The following HCN1 variants were observed in gnomAD, a reference collection of about 807,000 sequenced individuals.
The protein encoded by HCN1 is hyperpolarization activated cyclic nucleotide gated potassium channel 1, also known as potassium/sodium hyperpolarization-activated cyclic nucleotide-gated channel 1.
In HCN1, 13 loss-of-function variants were observed where a neutral mutation model predicts 78.9. That is an observed-to-expected ratio of 0.16 (90% CI 0.11 to 0.26). The LOEUF is 0.26. Among genes scored for constraint, HCN1 ranks in the 10% least tolerant of loss-of-function variants. The pLI is 1.00. For synonymous variants in HCN1, 552 were observed against 455.5 expected (o/e 1.21, Z -2.70); for missense variants, 810 against 1,154.3 (o/e 0.70, Z 4.32).
At chr5:45,399,666 T>C (rs1739755223) in intron 3 of HCN1, among the ~76,000 whole-genome samples, 1 of 152,108 alleles carries the variant, frequency 6.6e-6, no homozygotes, top group South Asian at 2.1e-4. Context: ...AAACAGAAGA[T>C]TGAAAAGCCC....
chr5:45,414,380 C>A (rs1740078762), intron 3 of HCN1, among the ~76,000 whole-genome samples: 1 of 151,986 alleles, frequency 6.6e-6, no homozygotes, highest in Admixed American at 6.6e-5. Flanking sequence ...AAAAAAGAGG[C>A]CTCTCTCTTG....
intron 7 of HCN1, among the ~76,000 whole-genome samples, chr5:45,263,765 T>A (rs1744797306): frequency 6.6e-6 from 1 of 151,846 alleles, no homozygotes. Flanking sequence ...AATTCTTTTT[T>A]TAAAATTTAT....
chr5:45,580,894 T>G (rs189544392), intron 2 of HCN1, among the ~76,000 whole-genome samples: 1,708 of 152,286 alleles, frequency 0.011, 18 homozygotes, highest in Middle Eastern at 0.02. Context: ...TGCATAGTAT[T>G]CCATGGTGTG....
chr5:45,321,678 T>A lies in HCN1; in HGVS notation c.1378-17839A>T, dbSNP rs555517848. 5.9e-5 allele frequency among the ~76,000 whole-genome samples: 9 copies of A among 152,016 alleles called. No homozygotes were observed. The South Asian group carries it at 1.4e-3, about 24-fold the overall frequency. On this transcript the variant is annotated intron_variant, in intron 5 of 7. Coordinates refer to ENST00000303230, the MANE Select transcript of HCN1 (RefSeq NM_021072.4). ...AGACAATTTACATTTTAAACCAGCTTGAATGCCATATTTTACACACATACG... is the reference window on the plus strand; with the variant it reads ...AGACAATTTACATTTTAAACCAGCTAGAATGCCATATTTTACACACATACG...
intron 2 of HCN1, chr5:45,643,774 C>G (rs950877912): frequency 3.9e-5 from 6 of 152,214 alleles, no homozygotes; most frequent in Non-Finnish European, 8.8e-5. Flanking sequence ...ATCAAACATA[C>G]TAGCTGACGT....
At chr5:45,619,010 G>C (rs1745009773) in intron 2 of HCN1, among the ~76,000 whole-genome samples, 1 of 152,038 alleles carries the variant, frequency 6.6e-6, no homozygotes, top group Admixed American at 6.6e-5. Flanking sequence ...TACTATTTTA[G>C]TAGTAGTGAA....
intron 2 of HCN1, among the ~76,000 whole-genome samples, chr5:45,591,909 T>C (rs1194973972): frequency 1.3e-5 from 2 of 152,214 alleles, no homozygotes; most frequent in Non-Finnish European, 2.9e-5. Context: ...TCTAGGAGTT[T>C]TATAGTTTTG....
In HCN1 at chr5:45,696,222, G is replaced by T; in HGVS notation, c.-129C>A. On this transcript the variant is annotated 5_prime_UTR_variant, in exon 1 of 8. Transcript: ENST00000303230. The stretch of plus-strand genomic sequence containing the variant: ...GAGCCCAGCTGCCCGTCGCGGCGGC[G>T]GCGGCGGCGGCGGCGGCTGCTGCTT... 1 of 246,502 alleles carries T rather than the reference G, an allele frequency of 4.1e-6. No homozygotes were observed. Among genetic ancestry groups the T allele is most frequent in the South Asian group, 1.4e-4 (1 of 7,256 alleles). 15.3% of individuals were successfully genotyped at this position (246,502 alleles called of 1,614,324 possible).
intron 5 of HCN1, among the ~76,000 whole-genome samples, chr5:45,342,772 T>C (rs1254938202): frequency 1.3e-5 from 2 of 152,282 alleles, no homozygotes; most frequent in East Asian, 1.9e-4. Context: ...GGTGAAGATA[T>C]TAGTTGGAAT....
At chr5:45,376,361 G>C (rs1382413716) in intron 4 of HCN1, among the ~76,000 whole-genome samples, 1 of 15,330 alleles carries the variant, frequency 6.5e-5, no homozygotes, top group African/African-American at 2.4e-4. Context: ...GAGAGAGAGA[G>C]AGAGAGAGAG....
At chr5:45,366,478 T>G (rs1294673204) in intron 4 of HCN1, among the ~76,000 whole-genome samples, 1 of 151,776 alleles carries the variant, frequency 6.6e-6, no homozygotes, top group African/African-American at 2.4e-5. Context: ...GGACATTGTT[T>G]AAATATCACT....
At chr5:45,504,928 C>T in intron 2 of HCN1, among the ~76,000 whole-genome samples, 1 of 152,234 alleles carries the variant, frequency 6.6e-6, no homozygotes, top group East Asian at 1.9e-4. Context: ...ATATCCTTCG[C>T]CCACTTTTTG....
rs1315753627 is a variant in HCN1, at chr5:45,261,695, A to G, written c.*226T>C. The G allele has an allele frequency of 2.1e-5, 9 of 426,786 alleles. No individual in the cohort carries two copies. The highest frequency in any genetic ancestry group is 3.3e-5 in the Non-Finnish European group (8 of 239,172). 26.4% of individuals were successfully genotyped at this position (426,786 alleles called of 1,614,324 possible). A position where few individuals can be genotyped will look rare whatever the true frequency, so the allele number is the denominator to read the frequency against. On this transcript the variant is annotated 3_prime_UTR_variant, in exon 8 of 8. Coordinates refer to ENST00000303230, the MANE Select transcript of HCN1 (RefSeq NM_021072.4). ...TAATGATTTAAAGAAAGGAAGACAT[A>G]TAACACTGAATGCTAAACAGGTCTT...
intron 5 of HCN1, 152 bp from the exon 6 acceptor site, chr5:45,303,991 A>T: frequency 1.4e-6 from 1 of 739,100 alleles, no homozygotes; most frequent in South Asian, 1.7e-5. Flanking sequence ...ATCATATTAC[A>T]GTCAGGATTA....
At chr5:45,667,006 A>G (rs1232472338) in intron 1 of HCN1, among the ~76,000 whole-genome samples, 3 of 152,048 alleles carry the variant, frequency 2.0e-5, no homozygotes, top group African/African-American at 7.2e-5. Flanking sequence ...GGCTAGATTA[A>G]AGCTATGAAA....
rs10601970 is a variant in HCN1 at position 45,567,911 on chromosome 5, TACACACACACACAC to T, written c.849+77260_849+77273del. 2.8e-3 allele frequency among the ~76,000 whole-genome samples: 405 copies of T among 144,712 alleles called. 1 individual carries two copies. Among genetic ancestry groups the T allele is most frequent in the Non-Finnish European group, 4.2e-3 (279 of 65,680 alleles). 94.9% of individuals were successfully genotyped at this position (144,712 alleles called of 152,430 possible). A position where few individuals can be genotyped will look rare whatever the true frequency, so the allele number is the denominator to read the frequency against. On this transcript the variant is annotated intron_variant, in intron 2 of 7. Coordinates refer to ENST00000303230, the MANE Select transcript of HCN1 (RefSeq NM_021072.4). ...CTCTATCTTACTTTCATATGTGAAG[TACACACACACACAC>T]ACACACACACACACACACACATATA...
intron 5 of HCN1, among the ~76,000 whole-genome samples, chr5:45,345,795 C>T (rs1262004667): frequency 3.9e-5 from 6 of 152,306 alleles, no homozygotes; most frequent in Non-Finnish European, 5.9e-5. Context: ...ACCCTCCAAA[C>T]GGTTTCAATC....
chr5:45,488,256 A>T (rs1741809304), intron 2 of HCN1, among the ~76,000 whole-genome samples: 1 of 152,092 alleles, frequency 6.6e-6, no homozygotes, highest in African/African-American at 2.4e-5. Flanking sequence ...AATTGATTTC[A>T]TGAAATTATG....
chr5:45,545,219 A>C (rs575592271), intron 2 of HCN1, among the ~76,000 whole-genome samples: 55 of 152,106 alleles, frequency 3.6e-4, no homozygotes, highest in African/African-American at 1.3e-3. Context: ...GCATTTTTTC[A>C]TGTGTCTGTT....
Sources: gnomAD v4.1 joint callset for allele counts (sites outside exome capture counted in the v4.1 genomes callset) on GRCh38, gnomAD v4.1.1 for gene constraint, MANE v1.5 for transcripts, NCBI Gene and HGNC (gene_info 2026-07-23, HGNC 2026-07-21) for gene names.